The following MSH4 variants were observed in gnomAD, a reference collection of about 807,000 sequenced individuals.
The protein encoded by MSH4 is mutS protein homolog 4.
In MSH4, 106 loss-of-function variants were observed where a neutral mutation model predicts 113.7. The ratio of observed to expected loss-of-function variants is 0.93; its 90% confidence interval spans 0.80 to 1.10. The LOEUF (loss-of-function observed/expected upper bound fraction) is 1.10, where lower values mean the gene tolerates loss of function less well. Ranked by LOEUF, MSH4 falls within the 50% of genes least tolerant of loss-of-function variation. MSH4 has a pLI of 0.00. For missense variants in MSH4, 1,061 were observed against 1,093.7 expected (o/e 0.97, Z 0.42); for synonymous variants, 368 against 380.2 (o/e 0.97, Z 0.37).
At chr1:75,908,979 TC>T (rs1652730385) in intron 19 of MSH4, among the ~76,000 whole-genome samples, 1 of 152,162 alleles carries the variant, frequency 6.6e-6, no homozygotes, top group Admixed American at 6.5e-5. Context: ...CTGCTGTACA[TC>T]CACACTGATT....
intron 7 of MSH4, among the ~76,000 whole-genome samples, chr1:75,839,676 A>G (rs1370425238): frequency 1.3e-5 from 2 of 151,740 alleles, no homozygotes; most frequent in African/African-American, 4.8e-5. Context: ...ATGGGATCTA[A>G]TTAAACTAAA....
At chr1:75,819,260 A>C (rs1295222741) in intron 6 of MSH4, among the ~76,000 whole-genome samples, 11 of 152,164 alleles carry the variant, frequency 7.2e-5, no homozygotes, top group Admixed American at 7.2e-4. Flanking sequence ...GGGCAGGCCA[A>C]CGTGGGTGGA....
intron 2 of MSH4, among the ~76,000 whole-genome samples, chr1:75,805,594 C>CCAGG (rs1650043788): frequency 6.6e-6 from 1 of 151,610 alleles, no homozygotes; most frequent in Admixed American, 6.6e-5. Flanking sequence ...GCCATGTTGG[C>CCAGG]CAGGCTGGTC....
chr1:75,906,929 G>T (rs1423603760), intron 19 of MSH4, among the ~76,000 whole-genome samples: 1 of 151,622 alleles, frequency 6.6e-6, no homozygotes, highest in African/African-American at 2.4e-5. Flanking sequence ...TGCCTCCTGG[G>T]TTCGCACCAT....
At chr1:75,885,434 T>G (rs1265717631) in intron 15 of MSH4, among the ~76,000 whole-genome samples, 1 of 87,334 alleles carries the variant, frequency 1.1e-5, no homozygotes, top group African/African-American at 5.0e-5. Flanking sequence ...GTATCCTGAG[T>G]GTGTATATAC....
intron 4 of MSH4, among the ~76,000 whole-genome samples, chr1:75,812,931 T>C (rs947981013): frequency 3.3e-5 from 5 of 152,126 alleles, no homozygotes; most frequent in African/African-American, 1.2e-4. Flanking sequence ...GTTCAAGTCT[T>C]TATAGGCCAG....
At chr1:75,810,844 A>G in intron 4 of MSH4, 37 bp downstream of exon 4, 1 of 932,922 alleles carries the variant, frequency 1.1e-6, no homozygotes, top group Non-Finnish European at 1.6e-6. Context: ...TTCAAGATCT[A>G]ATCACTTATT....
At position 75,912,932 on chromosome 1, in the gene MSH4, A is replaced by G. The variant is rs1652821719; in HGVS notation, c.*45A>G. 8.1e-7 allele frequency: 1 copy of G among 1,238,190 alleles called. No individual in the cohort carries two copies. Among genetic ancestry groups the G allele is most frequent in the Non-Finnish European group, 1.1e-6 (1 of 936,154 alleles). 76.7% of individuals were successfully genotyped at this position (1,238,190 alleles called of 1,614,324 possible). ...ATATATCTTAATTCAAGGAACCTAG[A>G]ATTTATTTTTCTCCTTAGAGATAAG... On this transcript the variant is annotated 3_prime_UTR_variant, in exon 20 of 20. Coordinates refer to ENST00000263187, the MANE Select transcript of MSH4 (RefSeq NM_002440.4).
intron 15 of MSH4, among the ~76,000 whole-genome samples, chr1:75,884,939 T>C (rs1652029404): frequency 6.6e-6 from 1 of 150,596 alleles, no homozygotes; most frequent in Admixed American, 6.7e-5. Flanking sequence ...GAATTAGCTA[T>C]GAGGAGCTAA....
chr1:75,797,885 C>T (rs751903473), intron 1 of MSH4, among the ~76,000 whole-genome samples: 3 of 152,082 alleles, frequency 2.0e-5, no homozygotes, highest in Non-Finnish European at 4.4e-5. Flanking sequence ...TCGAGGCTGC[C>T]GTGAGCTGAG....
intron 7 of MSH4, among the ~76,000 whole-genome samples, chr1:75,845,284 C>T (rs754715908): frequency 5.3e-5 from 8 of 152,296 alleles, no homozygotes; most frequent in Non-Finnish European, 8.8e-5. Context: ...TCAACACTTA[C>T]TCAAAAGTCC....
chr1:75,835,919 C>T (rs530106784), intron 7 of MSH4, among the ~76,000 whole-genome samples: 19 of 152,234 alleles, frequency 1.2e-4, no homozygotes, highest in African/African-American at 4.6e-4. Flanking sequence ...TACAGATTGT[C>T]TTGGATCCCT....
At chr1:75,874,328 G>T (rs556480178) in intron 9 of MSH4, among the ~76,000 whole-genome samples, 1 of 152,142 alleles carries the variant, frequency 6.6e-6, no homozygotes, top group Non-Finnish European at 1.5e-5. Flanking sequence ...CAGAAGCATA[G>T]ATGTGGAAGT....
At chr1:75,876,495 G>A (rs12164500) in intron 9 of MSH4, among the ~76,000 whole-genome samples, 60,440 of 151,690 alleles carry the variant, frequency 0.4, 13,701 homozygotes, top group East Asian at 0.95. Flanking sequence ...TTTTCATTAA[G>A]CAAAATAAAA....
At position 75,807,424 on chromosome 1, in the gene MSH4, C is replaced by G. The variant is rs369026319; in HGVS notation, c.588+283C>G. On this transcript the variant is annotated intron_variant, in intron 3 of 19. Coordinates refer to ENST00000263187, the MANE Select transcript of MSH4 (RefSeq NM_002440.4). ...AAATTAATAATTTCTGGATTTATTC[C>G]AAAGGTAATATATGTGATAATGTGG... Among the ~76,000 whole-genome samples, 10 of 151,918 alleles carry G rather than the reference C, an allele frequency of 6.6e-5. No individual in the cohort carries two copies. In the South Asian group the frequency reaches 1.7e-3, roughly 25 times the overall value.
At chr1:75,811,478 C>T (rs1459196721) in intron 4 of MSH4, among the ~76,000 whole-genome samples, 1 of 152,200 alleles carries the variant, frequency 6.6e-6, no homozygotes. Context: ...ATTGTGCTGT[C>T]AGACTGGTTG....
At chr1:75,835,644 C>A (rs1650811498) in intron 7 of MSH4, among the ~76,000 whole-genome samples, 1 of 152,100 alleles carries the variant, frequency 6.6e-6, no homozygotes, top group Non-Finnish European at 1.5e-5. Context: ...CATTATTTTT[C>A]TCTCCATGGC....
intron 17 of MSH4, among the ~76,000 whole-genome samples, chr1:75,895,718 T>C (rs1175980053): frequency 6.6e-6 from 1 of 152,160 alleles, no homozygotes; most frequent in African/African-American, 2.4e-5. Flanking sequence ...AGTATTTAAG[T>C]TATGAGATAT....
chr1:75,800,222 A>G (rs916200208), intron 1 of MSH4, among the ~76,000 whole-genome samples: 25 of 152,126 alleles, frequency 1.6e-4, no homozygotes, highest in African/African-American at 5.1e-4. Context: ...AATGGAGCAC[A>G]TTTTATGCTG....
Sources: gnomAD v4.1 joint callset for allele counts (sites outside exome capture counted in the v4.1 genomes callset) on GRCh38, gnomAD v4.1.1 for gene constraint, MANE v1.5 for transcripts, NCBI Gene and HGNC (gene_info 2026-07-23, HGNC 2026-07-21) for gene names.